Variants in SRRM2 observed in about 807,000 individuals in gnomAD.
The protein encoded by SRRM2 is serine/arginine repetitive matrix protein 2.
Under a neutral mutation model 213.8 loss-of-function variants are expected in SRRM2, and 30 were observed. The ratio of observed to expected loss-of-function variants is 0.14; its 90% CI spans 0.10 to 0.19. The LOEUF is 0.19. SRRM2 is among the 10% of genes least tolerant of loss of function. The probability of loss-of-function intolerance (pLI) is 1.00; values close to 1 mark genes in which losing one functional copy is unlikely to be tolerated. For missense variants in SRRM2, 4,904 were observed against 3,647.0 expected (o/e 1.34, Z -8.88); for synonymous variants, 2,025 against 1,377.7 (o/e 1.47, Z -10.40).
chr16:2,770,115 T>A, intron 12 of SRRM2: 1 of 1,407,928 alleles, frequency 7.1e-7, no homozygotes, highest in Non-Finnish European at 9.3e-7. Flanking sequence ...ACCACTGAGC[T>A]CCTTCAAGGG....
At chr16:2,753,442 C>G (rs1230504911) in intron 1 of SRRM2, 1 of 152,234 alleles carries the variant, frequency 6.6e-6, no homozygotes, top group South Asian at 2.1e-4. Flanking sequence ...GGCTATCAGC[C>G]TTTGAGTTGT....
At chr16:2,758,413 AAAAG>A in intron 4 of SRRM2, 53 bp from the exon 5 acceptor site, 1 of 1,406,784 alleles carries the variant, frequency 7.1e-7, no homozygotes, top group Non-Finnish European at 1.0e-6. Context: ...TCTTTTAAAG[AAAAG>A]AAAGGAATGT....
rs761938466 is a variant in SRRM2 at position 2,767,550 on chromosome 16, C to G, written c.7022C>G (p.Pro2341Arg). The change falls in exon 11 of 15, where the codon CCT becomes CGT. Residue 2341 changes from proline (P) to arginine (R), a missense_variant. Transcript: ENST00000301740. ...QAPASANLVG[P>R]RSAHATAPVN... ...CCAGCCTCTGCAAACCTGGTGGGTCCTCGGTCTGCACATGCCACAGCTCCT... is the reference window on the plus strand; with the variant it reads ...CCAGCCTCTGCAAACCTGGTGGGTCGTCGGTCTGCACATGCCACAGCTCCT... 6.2e-7 allele frequency: 1 copy of G among 1,614,236 alleles called. No homozygotes were observed. Among genetic ancestry groups the G allele is most frequent in the Non-Finnish European group, 8.5e-7 (1 of 1,180,042 alleles).
rs902388364 is a variant in SRRM2 at position 2,771,077 on chromosome 16, G to A, written c.*210G>A. The A allele has an allele frequency of 1.1e-5, 6 of 551,996 alleles. No individual in the cohort carries two copies. Among genetic ancestry groups the A allele is most frequent in the African/African-American group, 7.7e-5 (4 of 51,760 alleles). The allele number at this position is 551,996 out of a possible 1,614,324, so 34.2% of individuals were successfully genotyped here. ...GAGTTCTTCCTGGTTCATGTGTTCT[G>A]GGGGGTTTGGGGTGGGAGGGAATGC... On this transcript the variant is annotated 3_prime_UTR_variant, in exon 15 of 15. Transcript: ENST00000301740.
In SRRM2 at chr16:2,766,074, G is replaced by C. The variant is rs377159963; in HGVS notation, c.5546G>C (p.Arg1849Pro). 1 of 1,614,020 alleles carries C rather than the reference G, an allele frequency of 6.2e-7. No individual in the cohort carries two copies. The highest frequency in any genetic ancestry group is 1.3e-5 in the African/African-American group (1 of 74,904). The stretch of plus-strand genomic sequence containing the variant: ...CGCTCTCGGACACCCCCAACCAGTC[G>C]GAAGCGTTCTCGCTCACGCACATCA... ...RGRSRTPPTS[R>P]KRSRSRTSPA... Residue 1849 changes from arginine (R) to proline (P), a missense_variant, in exon 11 of 15, where the codon CGG (arginine) becomes CCG (proline). By Grantham distance (103) the Arg-to-Pro change is moderately radical. Transcript: ENST00000301740. This position sits in a 1 kb window ranked among gnomAD's most constrained non-coding sequence, Gnocchi z 7.0.
Position 2,765,802 on chromosome 16 carries a change from G to C in SRRM2, c.5274G>C (p.Arg1758Ser). ...ASSPRTKTTS[R>S]RGRSPSPKPR... ...CTCCACGCACTAAGACAACCTCAAG[G>C]AGAGGCCGCTCTCCTTCGCCAAAGC... is the stretch of plus-strand genomic sequence containing the variant. Residue 1758 changes from arginine to serine, a missense_variant, in exon 11 of 15, where the codon AGG becomes AGC. Transcript: ENST00000301740. 6.2e-7 allele frequency: 1 copy of C among 1,614,030 alleles called. No individual in the cohort carries two copies. Among genetic ancestry groups the C allele is most frequent in the Non-Finnish European group, 8.5e-7 (1 of 1,180,024 alleles).
Position 2,768,237 on chromosome 16 carries a change from T to C in SRRM2, c.7709T>C (p.Val2570Ala). 6.4e-7 allele frequency: 1 copy of C among 1,567,242 alleles called. No individual in the cohort carries two copies. The highest frequency in any genetic ancestry group is 8.6e-7 in the Non-Finnish European group (1 of 1,157,498). ...GACTCAGAGGGCTCTAGCCTTCCTG[T>C]GCAACCTGAGGTGGCACTGAAGAGG... is the stretch of plus-strand genomic sequence containing the variant. Reference protein sequence around the residue: ...SSDSEGSSLPVQPEVALKRVP... With the variant: ...SSDSEGSSLPAQPEVALKRVP... Residue 2570 changes from valine (V) to alanine (A), a missense_variant, in exon 11 of 15, where the codon GTG becomes GCG. Val to Ala is a moderately conservative substitution (Grantham distance 64). Transcript: ENST00000301740.
In SRRM2 at chr16:2,766,754, C is replaced by T. The variant is rs1350978237; in HGVS notation, c.6226C>T (p.Arg2076Cys). 71 of 1,614,068 alleles carry T rather than the reference C, an allele frequency of 4.4e-5. No homozygotes were observed. Among genetic ancestry groups the T allele is most frequent in the Non-Finnish European group, 5.3e-5 (62 of 1,180,054 alleles). ...RSLTRSPPAI[R>C]RRSASGSSSD... Reference sequence around the variant, plus strand: ...CTTAACAAGATCTCCTCCAGCCATCCGCAGGCGTTCTGCATCTGGAAGTAG... The same window carrying T: ...CTTAACAAGATCTCCTCCAGCCATCTGCAGGCGTTCTGCATCTGGAAGTAG... The change falls in exon 11 of 15, where the codon CGC (arginine) becomes TGC (cysteine). Residue 2076 changes from arginine (R) to cysteine (C), a missense_variant. Physicochemically the swap from Arg to Cys is radical, Grantham distance 180. Transcript: ENST00000301740. The surrounding 1 kb of genome is among the most constrained non-coding windows in gnomAD (Gnocchi z 7.0).
rs111312335 is a variant in SRRM2, at chr16:2,766,512, G to A, written c.5984G>A (p.Arg1995Gln). 21 of 1,613,834 alleles carry A rather than the reference G, an allele frequency of 1.3e-5. No homozygotes were observed. Among genetic ancestry groups the A allele is most frequent in the African/African-American group, 1.1e-4 (8 of 74,934 alleles). Residue 1995 changes from arginine (R) to glutamine (Q), a missense_variant, in exon 11 of 15, where the codon CGA becomes CAA. By Grantham distance (43) the Arg-to-Gln change is conservative (BLOSUM62 1). Transcript: ENST00000301740. The surrounding 1 kb of genome is among the most constrained non-coding windows in gnomAD (Gnocchi z 7.0). ...RTSPVTRRRS[R>Q]SRTSPVTRRR... ...TCTCCGGTCACCCGAAGGAGATCTC[G>A]ATCTCGCACATCTCCAGTAACTCGA... is the stretch of plus-strand genomic sequence containing the variant.
Position 2,752,787 on chromosome 16 carries a change from G to A in SRRM2, c.-91G>A, listed in dbSNP as rs1409555577. The A allele has an allele frequency of 8.6e-6, 3 of 347,298 alleles. No individual in the cohort carries two copies. Among genetic ancestry groups the A allele is most frequent in the Non-Finnish European group, 1.7e-5 (3 of 172,182 alleles). The allele number at this position is 347,298 out of a possible 1,614,324, so 21.5% of individuals were successfully genotyped here. On this transcript the variant is annotated 5_prime_UTR_variant, in exon 1 of 15. Coordinates refer to ENST00000301740, the MANE Select transcript of SRRM2 (RefSeq NM_016333.4). The stretch of plus-strand genomic sequence containing the variant: ...GGCCCCAGGCCCGAGGGACTCGGGA[G>A]CTCGAGCAGCGGCGGCGGCAAGACC...
rs573806956 is a variant in SRRM2, at chr16:2,763,232, A to G, written c.2704A>G (p.Ser902Gly). 1 of 1,614,100 alleles carries G rather than the reference A, an allele frequency of 6.2e-7. No individual in the cohort carries two copies. ...SGSSPPRVKS[S>G]TPPRQSPSRS... Reference sequence around the variant, plus strand: ...GTCCTCTCCTCCTAGAGTGAAATCTAGCACACCTCCCAGACAGAGCCCATC... The same window carrying G: ...GTCCTCTCCTCCTAGAGTGAAATCTGGCACACCTCCCAGACAGAGCCCATC... The change falls in exon 11 of 15, where the codon AGC (serine) becomes GGC (glycine). Residue 902 changes from serine (S) to glycine (G), a missense_variant. Ser to Gly is a moderately conservative substitution (Grantham distance 56). Coordinates refer to ENST00000301740, the MANE Select transcript of SRRM2 (RefSeq NM_016333.4).
chr16:2,770,910 A>C lies in SRRM2; in HGVS notation c.*43A>C, dbSNP rs369931529. On this transcript the variant is annotated 3_prime_UTR_variant, in exon 15 of 15. Transcript: ENST00000301740. ...CCACCACACCCAATGCTCTGGAGCC[A>C]CAAGGAGTGTCCCTTCTTCCCCAGC... is the stretch of plus-strand genomic sequence containing the variant. 5 of 1,612,564 alleles carry C rather than the reference A, an allele frequency of 3.1e-6. No individual in the cohort carries two copies. The highest frequency in any genetic ancestry group is 4.2e-6 in the Non-Finnish European group (5 of 1,179,586).
In SRRM2 at chr16:2,770,640, T is replaced by A. The variant is rs1036986949; in HGVS notation, c.8172T>A (p.Arg2724=). 6 of 1,552,446 alleles carry A rather than the reference T, an allele frequency of 3.9e-6. No homozygotes were observed. Among genetic ancestry groups the A allele is most frequent in the African/African-American group, 1.4e-5 (1 of 73,236 alleles). The change falls in exon 14 of 15, where the codon CGT becomes CGA. Residue 2724 remains arginine (R), a synonymous_variant. Transcript: ENST00000301740. ...SSERGSRRGQ[R]GDSRSPSHKR... Reference sequence around the variant, plus strand: ...AGCGGGGTTCCCGGAGAGGCCAGCGTGGGGACAGCCGCTCCCCCAGCCACA... The same window carrying A: ...AGCGGGGTTCCCGGAGAGGCCAGCGAGGGGACAGCCGCTCCCCCAGCCACA...
rs955493620 is a variant in SRRM2, at chr16:2,759,347, C to T, written c.690-5C>T. The T allele has an allele frequency of 6.2e-7, 1 of 1,604,422 alleles. No homozygotes were observed. The highest frequency in any genetic ancestry group is 8.5e-7 in the Non-Finnish European group (1 of 1,177,490). ...TACTTTTAACAACCTTTCCTTATTT[C>T]CCAGGTCTCCCACTCCAAAGAGCAA... On this transcript the variant is annotated splice_region_variant and splice_polypyrimidine_tract_variant and intron_variant, in intron 7 of 14. Coordinates refer to ENST00000301740, the MANE Select transcript of SRRM2 (RefSeq NM_016333.4).
Position 2,766,873 on chromosome 16 carries a change from C to G in SRRM2, c.6345C>G (p.Ser2115Arg). 1 of 1,614,166 alleles carries G rather than the reference C, an allele frequency of 6.2e-7. No individual in the cohort carries two copies. The highest frequency in any genetic ancestry group is 8.5e-7 in the Non-Finnish European group (1 of 1,180,038). Reference sequence around the variant, plus strand: ...TAGCACTCAACAGTTCCAGAATGAGCTGCTTCAGTCGTCCTAGCATGTCCC... The same window carrying G: ...TAGCACTCAACAGTTCCAGAATGAGGTGCTTCAGTCGTCCTAGCATGTCCC... ...PPVALNSSRM[S>R]CFSRPSMSPT... The change falls in exon 11 of 15, where the codon AGC becomes AGG. Residue 2115 changes from serine (S) to arginine (R), a missense_variant. Transcript: ENST00000301740. This position sits in a 1 kb window ranked among gnomAD's most constrained non-coding sequence, Gnocchi z 7.0.
chr16:2,765,689 C>T lies in SRRM2; in HGVS notation c.5161C>T (p.Pro1721Ser). The T allele has an allele frequency of 3.1e-6, 5 of 1,614,124 alleles. No individual in the cohort carries two copies. The Admixed American group carries it at 6.7e-5, about 22-fold the overall frequency. The change falls in exon 11 of 15, where the codon CCC becomes TCC. Residue 1721 changes from proline (P) to serine (S), a missense_variant. Transcript: ENST00000301740. Reference sequence around the variant, plus strand: ...CTCACCAGAAACTCGCTCTAGAACTCCCCCAAGGCACCGGAGAAGTCCCTC... The same window carrying T: ...CTCACCAGAAACTCGCTCTAGAACTTCCCCAAGGCACCGGAGAAGTCCCTC... ...SSSPETRSRT[P>S]PRHRRSPSVS...
Position 2,767,978 on chromosome 16 carries a change from A to G in SRRM2, c.7450A>G (p.Thr2484Ala), listed in dbSNP as rs748459946. The G allele has an allele frequency of 5.0e-6, 8 of 1,614,140 alleles. No homozygotes were observed. The highest frequency in any genetic ancestry group is 1.7e-5 in the Admixed American group (1 of 60,026). ...SLSSGAVATTTSSAGDHNGML... is the reference protein window; with the variant it reads ...SLSSGAVATTASSAGDHNGML... ...TTCCTCTGGGGCAGTGGCAACGACCACGTCCTCTGCTGGTGATCACAATGG... is the reference window on the plus strand; with the variant it reads ...TTCCTCTGGGGCAGTGGCAACGACCGCGTCCTCTGCTGGTGATCACAATGG... The change falls in exon 11 of 15, where the codon ACG becomes GCG. Residue 2484 changes from threonine to alanine, a missense_variant. Physicochemically the swap from Thr to Ala is moderately conservative, Grantham distance 58 (BLOSUM62 0). Transcript: ENST00000301740.
Position 2,771,097 on chromosome 16 carries a change from G to GGGGTGGC in SRRM2, c.*230_*231insGGGTGGC. ...GTTCTGGGGGGTTTGGGGTGGGAGG[G>GGGGTGGC]AATGCAGATGGGAGTTGGGGGAGGG... On this transcript the variant is annotated 3_prime_UTR_variant, in exon 15 of 15. Transcript: ENST00000301740. 1 of 336,636 alleles carries GGGGTGGC rather than the reference G, an allele frequency of 3.0e-6. No homozygotes were observed. Among genetic ancestry groups the GGGGTGGC allele is most frequent in the East Asian group, 8.0e-5 (1 of 12,578 alleles). 20.9% of individuals were successfully genotyped at this position (336,636 alleles called of 1,614,324 possible).
chr16:2,760,425 C>A lies in SRRM2; in HGVS notation c.958C>A (p.Arg320=). Residue 320 remains arginine, a synonymous_variant, in exon 10 of 15, where the codon CGG becomes AGG. Transcript: ENST00000301740. ...FSEPGTTSTQ[R]PSSPETATKQ... is the part of the protein sequence containing the mutation. ...TGAACCAGGTACTACCAGCACACAACGGCCTAGTAGCCCGGAGACTGCTAC... is the reference window on the plus strand; with the variant it reads ...TGAACCAGGTACTACCAGCACACAAAGGCCTAGTAGCCCGGAGACTGCTAC... The A allele has an allele frequency of 3.1e-6, 5 of 1,614,162 alleles. No individual in the cohort carries two copies. Among genetic ancestry groups the A allele is most frequent in the Non-Finnish European group, 4.2e-6 (5 of 1,180,040 alleles).
Sources: gnomAD v4.1 joint callset for allele counts on GRCh38, gnomAD v4.1.1 for gene constraint, Gnocchi (gnomAD v3.1) non-coding constraint, MANE v1.5 for transcripts, NCBI Gene and HGNC (gene_info 2026-07-23, HGNC 2026-07-21) for gene names.